MTUS2: variants seen among roughly 807,000 people sequenced by gnomAD.
The protein encoded by MTUS2 is microtubule associated scaffold protein 2.
In MTUS2, 40 loss-of-function variants were observed where a neutral mutation model predicts 114.1. The ratio of observed to expected loss-of-function variants is 0.35; its 90% CI spans 0.27 to 0.46. The LOEUF (loss-of-function observed/expected upper bound fraction) is 0.46, where lower values mean the gene tolerates loss of function less well. Among genes scored for constraint, MTUS2 ranks in the 20% least tolerant of loss-of-function variants. The pLI, the probability that MTUS2 is intolerant of heterozygous loss-of-function variation, is 1.00. For missense variants in MTUS2, 1,679 were observed against 1,705.4 expected, an observed-to-expected ratio of 0.98 and a Z score of 0.27; for synonymous variants, 688 against 672.0, an observed-to-expected ratio of 1.02 and a Z score of -0.37.
chr13:28,970,620 G>T (rs1368100285), intron 2 of MTUS2, among the ~76,000 whole-genome samples: 3 of 152,184 alleles, frequency 2.0e-5, no homozygotes, highest in East Asian at 3.8e-4. Context: ...GAAGATGAAG[G>T]CTTGACCTTA....
chr13:29,137,843 T>C (rs1892050165), intron 5 of MTUS2, among the ~76,000 whole-genome samples: 1 of 151,680 alleles, frequency 6.6e-6, no homozygotes, highest in African/African-American at 2.4e-5. Flanking sequence ...GCTCCGAATT[T>C]CTAATCTACC....
At chr13:29,059,227 G>GGT (rs1593432285) in intron 4 of MTUS2, among the ~76,000 whole-genome samples, 1 of 71,368 alleles carries the variant, frequency 1.4e-5, no homozygotes, top group East Asian at 7.7e-4. Flanking sequence ...CTATTCTTTG[G>GGT]ATTTTTTTTT....
chr13:29,249,509 G>A (rs963268705), intron 5 of MTUS2, among the ~76,000 whole-genome samples: 2 of 152,096 alleles, frequency 1.3e-5, no homozygotes, highest in African/African-American at 4.8e-5. Context: ...ATTCTGACTG[G>A]CATGAGATGG....
At chr13:29,090,584 GAAA>G (rs1168883940) in intron 4 of MTUS2, among the ~76,000 whole-genome samples, 1 of 152,192 alleles carries the variant, frequency 6.6e-6, no homozygotes, top group Non-Finnish European at 1.5e-5. Context: ...GGCTCCTGGT[GAAA>G]GAACTATGGC....
intron 2 of MTUS2, among the ~76,000 whole-genome samples, chr13:28,925,849 T>A (rs1404318738): frequency 1.3e-5 from 2 of 152,210 alleles, no homozygotes; most frequent in Admixed American, 1.3e-4. Context: ...TTTCTTGTGG[T>A]GGATGGTTGC....
chr13:29,306,929 C>T, intron 6 of MTUS2: 2 of 539,662 alleles, frequency 3.7e-6, no homozygotes, highest in Non-Finnish European at 7.3e-6. Context: ...CAGTATGGTT[C>T]TACCCATGGC....
rs900362674 is a variant in MTUS2 at position 29,500,386 on chromosome 13, T to C, written c.3799-711T>C. 3.5e-4 allele frequency among the ~76,000 whole-genome samples: 53 copies of C among 152,328 alleles called. 1 individual carries two copies. Among genetic ancestry groups the C allele is most frequent in the Admixed American group, 8.5e-4 (13 of 15,298 alleles). Reference sequence around the variant, plus strand: ...GTCACATTCTTTTCAGGAAATAATTTATTTCTAAATTGGTCTTAGAATCAA... The same window carrying C: ...GTCACATTCTTTTCAGGAAATAATTCATTTCTAAATTGGTCTTAGAATCAA... On this transcript the variant is annotated intron_variant, in intron 14 of 15. Transcript: ENST00000612955.
chr13:28,831,341 T>G (rs1874664628), intron 1 of MTUS2, among the ~76,000 whole-genome samples: 1 of 152,122 alleles, frequency 6.6e-6, no homozygotes, highest in African/African-American at 2.4e-5. Flanking sequence ...TCAAAAGGCA[T>G]AGGTTGGCAG....
intron 4 of MTUS2, among the ~76,000 whole-genome samples, chr13:29,053,163 A>G (rs1887980622): frequency 1.3e-5 from 2 of 152,208 alleles, no homozygotes; most frequent in South Asian, 2.1e-4. Context: ...TTATAAATAC[A>G]ATGAAGATAA....
intron 8 of MTUS2, among the ~76,000 whole-genome samples, chr13:29,393,741 G>A (rs535018201): frequency 4.6e-5 from 7 of 152,230 alleles, no homozygotes; most frequent in Non-Finnish European, 8.8e-5. Flanking sequence ...GCCCAAGATA[G>A]TCCAAGAACA....
intron 2 of MTUS2, among the ~76,000 whole-genome samples, chr13:28,906,304 A>G (rs1428792130): frequency 1.3e-5 from 2 of 150,724 alleles, no homozygotes; most frequent in African/African-American, 2.5e-5. Context: ...TAGCTTTTGA[A>G]TGTGTTTGCT....
In MTUS2 at chr13:29,264,864, G is replaced by A. The variant is rs186759795; in HGVS notation, c.2645-16840G>A. Among the ~76,000 whole-genome samples, 288 of 152,340 alleles carry A rather than the reference G, an allele frequency of 1.9e-3. 1 individual carries two copies. Among genetic ancestry groups the A allele is most frequent in the African/African-American group, 6.6e-3 (276 of 41,582 alleles). On this transcript the variant is annotated intron_variant, in intron 5 of 15. Transcript: ENST00000612955. ...CCTGTGATGGGAGGGCTGCCATGAA[G>A]GTCTCTGAAATGCATTTGAGGTCTT... is the stretch of plus-strand genomic sequence containing the variant.
chr13:29,427,719 T>G (rs1876655338), intron 8 of MTUS2, among the ~76,000 whole-genome samples: 1 of 152,224 alleles, frequency 6.6e-6, no homozygotes. Flanking sequence ...AGTAAAATCA[T>G]CTAGTTCTAA....
At chr13:29,291,563 C>G (rs572221346) in intron 6 of MTUS2, among the ~76,000 whole-genome samples, 1 of 152,318 alleles carries the variant, frequency 6.6e-6, no homozygotes, top group South Asian at 2.1e-4. Context: ...CCAGCAACCC[C>G]TGGTGGCTCT....
chr13:28,947,560 T>C (rs1322125963), intron 2 of MTUS2, among the ~76,000 whole-genome samples: 1 of 152,172 alleles, frequency 6.6e-6, no homozygotes, highest in Admixed American at 6.5e-5. Flanking sequence ...AAAAAATGCT[T>C]ATTGCTGTTA....
intron 6 of MTUS2, among the ~76,000 whole-genome samples, chr13:29,301,653 G>A (rs1284606627): frequency 6.6e-6 from 1 of 152,168 alleles, no homozygotes; most frequent in Non-Finnish European, 1.5e-5. Flanking sequence ...TAACTTCTCT[G>A]ATCCTTGAAT....
intron 2 of MTUS2, among the ~76,000 whole-genome samples, chr13:28,970,417 A>G (rs1162888976): frequency 1.3e-5 from 2 of 152,206 alleles, no homozygotes; most frequent in Non-Finnish European, 2.9e-5. Context: ...GTATTTGTGA[A>G]TAAAATCTCA....
intron 6 of MTUS2, among the ~76,000 whole-genome samples, chr13:29,317,435 T>TCG (rs1437791957): frequency 1.9e-5 from 1 of 52,116 alleles, no homozygotes; most frequent in African/African-American, 5.7e-5. Flanking sequence ...TCTCTCTCTT[T>TCG]TTTTTTTTTT....
At chr13:29,173,322 C>T (rs777673414) in intron 5 of MTUS2, among the ~76,000 whole-genome samples, 7 of 152,096 alleles carry the variant, frequency 4.6e-5, no homozygotes, top group Non-Finnish European at 1.0e-4. Context: ...TGCTTGTCTG[C>T]CTGAATTCTC....
Sources: allele counts gnomAD v4.1 joint callset (sites outside exome capture counted in the v4.1 genomes callset), GRCh38; gene constraint gnomAD v4.1.1; transcripts MANE v1.5; gene names NCBI Gene and HGNC (gene_info 2026-07-23, HGNC 2026-07-21).